SHANK2: variants seen among roughly 807,000 people sequenced by gnomAD.
SHANK2 encodes the protein SH3 and multiple ankyrin repeat domains 2.
Under a neutral mutation model 133.7 loss-of-function variants are expected in SHANK2, and 43 were observed. The ratio of observed to expected loss-of-function variants is 0.32; its 90% CI spans 0.25 to 0.41. The LOEUF (loss-of-function observed/expected upper bound fraction) is 0.41, where lower values mean the gene tolerates loss of function less well. SHANK2 is among the 10% of genes least tolerant of loss of function. The pLI is 1.00. For synonymous variants in SHANK2, 1,017 were observed against 952.8 expected, an observed-to-expected ratio of 1.07 and a Z score of -1.24; for missense variants, 1,994 against 2,235.8, an observed-to-expected ratio of 0.89 and a Z score of 2.18.
chr11:70,585,557 A>G (rs2060237871), intron 17 of SHANK2, among the ~76,000 whole-genome samples: 1 of 152,106 alleles, frequency 6.6e-6, no homozygotes, highest in East Asian at 1.9e-4. Flanking sequence ...CCAGACATCC[A>G]TTCATCCATC....
At chr11:71,219,481 A>G (rs539440252) in intron 2 of SHANK2, among the ~76,000 whole-genome samples, 2 of 152,366 alleles carry the variant, frequency 1.3e-5, no homozygotes, top group South Asian at 4.1e-4. Context: ...CAAATAACCA[A>G]TAAGCTCATA....
intron 8 of SHANK2, 49 bp downstream of exon 8, chr11:71,092,373 G>C: frequency 2.6e-6 from 4 of 1,546,688 alleles, no homozygotes; most frequent in Non-Finnish European, 3.5e-6. Context: ...GGAGGAGAAG[G>C]GGAAGTCAGT....
chr11:70,952,569 G>A lies in SHANK2; in HGVS notation c.1108-56002C>T, dbSNP rs187706008. On this transcript the variant is annotated intron_variant, in intron 10 of 25. Transcript: ENST00000601538. ...CTGGGTGGCGATGGAGCTAGTACCC[G>A]TCTCAGTGCTGAAACTGTTCTCAAG... is the stretch of plus-strand genomic sequence containing the variant. 1.1e-3 allele frequency: 238 copies of A among 210,352 alleles called. 6 individuals carry two copies. The South Asian group carries it at 0.012, about 11-fold the overall frequency. 13.0% of individuals were successfully genotyped at this position (210,352 alleles called of 1,614,324 possible).
At position 70,682,071 on chromosome 11, in the gene SHANK2, G is replaced by T. The variant is rs375720818; in HGVS notation, c.1853+16617C>A. 4.0e-4 allele frequency among the ~76,000 whole-genome samples: 61 copies of T among 152,252 alleles called. No individual in the cohort carries two copies. In the South Asian group the frequency reaches 0.012, roughly 30 times the overall value. On this transcript the variant is annotated intron_variant, in intron 15 of 25. Transcript: ENST00000601538. ...GAAGAGTATAAGGCAGCCCAAACCT[G>T]CTGGAGGGTGCTTTGTGAGAGGGCC...
chr11:70,586,868 T>C (rs2060261325), intron 17 of SHANK2, among the ~76,000 whole-genome samples: 1 of 152,074 alleles, frequency 6.6e-6, no homozygotes, highest in African/African-American at 2.4e-5. Context: ...CCAGAATACG[T>C]CACTCCTGGG....
At chr11:70,523,706 T>C (rs1554971540) in intron 17 of SHANK2, among the ~76,000 whole-genome samples, 1 of 152,212 alleles carries the variant, frequency 6.6e-6, no homozygotes, top group African/African-American at 2.4e-5. Flanking sequence ...AGGCGCTCGC[T>C]GCTGGGGCTG....
At chr11:70,674,461 A>T (rs977049283) in intron 15 of SHANK2, among the ~76,000 whole-genome samples, 1 of 151,654 alleles carries the variant, frequency 6.6e-6, no homozygotes, top group Non-Finnish European at 1.5e-5. Flanking sequence ...TGATTCTCTG[A>T]CCTCAGCCTC....
At chr11:70,483,126 G>A (rs1555152162) in intron 25 of SHANK2, among the ~76,000 whole-genome samples, 2 of 152,156 alleles carry the variant, frequency 1.3e-5, no homozygotes, top group East Asian at 3.9e-4. Flanking sequence ...CCTTACTGCA[G>A]ACATTGCTTA....
intron 17 of SHANK2, chr11:70,603,913 TGAG>T (rs2060536632): frequency 6.6e-6 from 1 of 152,210 alleles, no homozygotes; most frequent in Admixed American, 6.6e-5. Context: ...AGAAGTGGGG[TGAG>T]GAGAGCAGAA....
At chr11:71,241,165 G>A (rs1199636900) in intron 1 of SHANK2, among the ~76,000 whole-genome samples, 1 of 152,162 alleles carries the variant, frequency 6.6e-6, no homozygotes, top group Non-Finnish European at 1.5e-5. Context: ...AGGTACCCGG[G>A]GAAGCCCCGC....
chr11:71,146,323 C>T (rs112718186), intron 3 of SHANK2, among the ~76,000 whole-genome samples: 476 of 151,734 alleles, frequency 3.1e-3, no homozygotes, highest in Admixed American at 5.4e-3. Flanking sequence ...CCTCTGCACA[C>T]GAAGCTCCCC....
In SHANK2 at chr11:70,684,033, C is replaced by T. The variant is rs1332895509; in HGVS notation, c.1853+14655G>A. On this transcript the variant is annotated intron_variant, in intron 15 of 25. Coordinates refer to ENST00000601538, the MANE Select transcript of SHANK2 (RefSeq NM_012309.5). Reference sequence around the variant, plus strand: ...TTCTGGCCTCAAGTGATCCACCTGCCTCCACCTCCCAAAGTGCTGAGATGA... The same window carrying T: ...TTCTGGCCTCAAGTGATCCACCTGCTTCCACCTCCCAAAGTGCTGAGATGA... Among the ~76,000 whole-genome samples the T allele has an allele frequency of 2.0e-5, 3 of 152,280 alleles. No individual in the cohort carries two copies. The East Asian group carries it at 5.8e-4, about 30-fold the overall frequency.
intron 14 of SHANK2, among the ~76,000 whole-genome samples, chr11:70,720,514 T>C (rs186524181): frequency 6.6e-6 from 1 of 152,328 alleles, no homozygotes; most frequent in Non-Finnish European, 1.5e-5. Flanking sequence ...GGAGAACCCA[T>C]GAGGGTGTGT....
chr11:71,153,220 A>G (rs1952830994), intron 2 of SHANK2, among the ~76,000 whole-genome samples: 1 of 145,100 alleles, frequency 6.9e-6, no homozygotes, highest in Admixed American at 7.1e-5. Flanking sequence ...AGCCAGTGCC[A>G]GATCAGAGGA....
intron 8 of SHANK2, among the ~76,000 whole-genome samples, chr11:71,090,663 G>A (rs996430998): frequency 5.9e-5 from 9 of 151,330 alleles, no homozygotes; most frequent in Non-Finnish European, 1.2e-4. Context: ...GTGTGTGTCT[G>A]TGTACATAGA....
intron 6 of SHANK2, among the ~76,000 whole-genome samples, chr11:71,099,857 G>C (rs181112698): frequency 2.0e-5 from 3 of 152,160 alleles, no homozygotes; most frequent in African/African-American, 7.2e-5. Context: ...TTCAAGACCT[G>C]CCTGGGTAAC....
At position 71,086,074 on chromosome 11, in the gene SHANK2, T is replaced by A. The variant is rs1227414341; in HGVS notation, c.912+6348A>T. 3.6e-3 allele frequency among the ~76,000 whole-genome samples: 165 copies of A among 46,036 alleles called. 4 individuals are homozygous for A. Among genetic ancestry groups the A allele is most frequent in the African/African-American group, 0.011 (150 of 13,368 alleles). 30.2% of individuals were successfully genotyped at this position (46,036 alleles called of 152,430 possible). ...GTTATATAATATATTATATAATATA[T>A]TATGTTATATAATATATTAAATTAT... is the stretch of plus-strand genomic sequence containing the variant. On this transcript the variant is annotated intron_variant, in intron 8 of 25. Transcript: ENST00000601538.
At chr11:70,880,491 G>A (rs7125306) in intron 11 of SHANK2, among the ~76,000 whole-genome samples, 7,682 of 152,282 alleles carry the variant, frequency 0.05, 631 homozygotes, top group African/African-American at 0.18. Flanking sequence ...AGAGAAAGCC[G>A]GAGAGGCAGG....
chr11:70,907,106 C>A (rs1294431190), intron 10 of SHANK2, among the ~76,000 whole-genome samples: 1 of 152,206 alleles, frequency 6.6e-6, no homozygotes, highest in Non-Finnish European at 1.5e-5. Flanking sequence ...GAGTCGTGGG[C>A]CAGGACCCCC....
Sources: gnomAD v4.1 joint callset for allele counts (sites outside exome capture counted in the v4.1 genomes callset) on GRCh38, gnomAD v4.1.1 for gene constraint, MANE v1.5 for transcripts, NCBI Gene and HGNC (gene_info 2026-07-23, HGNC 2026-07-21) for gene names.